The following GALNT17 variants were observed in gnomAD, a reference collection of about 807,000 sequenced individuals.
The protein encoded by GALNT17 is UDP-GalNAc:polypeptide N-acetylgalactosaminyltransferase-like 3.
In GALNT17, 29 loss-of-function variants were observed where a neutral mutation model predicts 63.7. The ratio of observed to expected loss-of-function variants is 0.46; its 90% confidence interval spans 0.34 to 0.62. The LOEUF is 0.62. Ranked by LOEUF, GALNT17 falls within the 20% of genes least tolerant of loss-of-function variation. GALNT17 has a pLI of 0.01. For missense variants in GALNT17, 603 were observed against 799.6 expected (o/e 0.75, Z 2.97); for synonymous variants, 305 against 318.3 (o/e 0.96, Z 0.45).
intron 9 of GALNT17, among the ~76,000 whole-genome samples, chr7:71,684,125 C>A (rs1218531705): frequency 2.0e-5 from 3 of 152,096 alleles, no homozygotes; most frequent in Admixed American, 1.3e-4. Flanking sequence ...ACCCCCAGTT[C>A]TACCAGGCTG....
chr7:71,608,376 GA>G (rs1790076878), intron 6 of GALNT17, among the ~76,000 whole-genome samples: 1 of 152,152 alleles, frequency 6.6e-6, no homozygotes, highest in Non-Finnish European at 1.5e-5. Context: ...AGGGGGAAGG[GA>G]CAGGACTTGG....
intron 6 of GALNT17, among the ~76,000 whole-genome samples, chr7:71,637,197 T>C (rs1485335034): frequency 1.3e-5 from 2 of 152,164 alleles, no homozygotes; most frequent in Non-Finnish European, 2.9e-5. Flanking sequence ...ATTTATTTAT[T>C]TATTTTTGAG....
chr7:71,133,157 G>T (rs1414542410), intron 1 of GALNT17, 117 bp downstream of exon 1: 1 of 894,976 alleles, frequency 1.1e-6, no homozygotes, highest in African/African-American at 1.8e-5. Context: ...CCTGGCTCCC[G>T]CGCGCTCCTT....
intron 5 of GALNT17, among the ~76,000 whole-genome samples, chr7:71,521,635 G>GT (rs1164332520): frequency 6.6e-6 from 1 of 152,166 alleles, no homozygotes; most frequent in African/African-American, 2.4e-5. Context: ...GCTCAGTTCT[G>GT]TTTTTTCTTC....
At position 71,477,363 on chromosome 7, in the gene GALNT17, G is replaced by A. The variant is rs148825395; in HGVS notation, c.962+56258G>A. 3.9e-5 allele frequency among the ~76,000 whole-genome samples: 6 copies of A among 152,304 alleles called. 1 individual carries two copies. Among genetic ancestry groups the A allele is most frequent in the African/African-American group, 9.6e-5 (4 of 41,570 alleles). ...TGCCACGGAGGTTGGTGTTTTCACCGTTAGCTGTGAGAGTGCAAAGGCATA... is the reference window on the plus strand; with the variant it reads ...TGCCACGGAGGTTGGTGTTTTCACCATTAGCTGTGAGAGTGCAAAGGCATA... On this transcript the variant is annotated intron_variant, in intron 5 of 10. Transcript: ENST00000333538.
chr7:71,595,652 G>A (rs1254441663), intron 6 of GALNT17, among the ~76,000 whole-genome samples: 1 of 130,232 alleles, frequency 7.7e-6, no homozygotes, highest in Non-Finnish European at 1.6e-5. Flanking sequence ...CATAGAGAGA[G>A]AGACTGAGAC....
At chr7:71,610,984 AT>A (rs1790116541) in intron 6 of GALNT17, among the ~76,000 whole-genome samples, 1 of 37,240 alleles carries the variant, frequency 2.7e-5, no homozygotes, top group Non-Finnish European at 7.2e-5. Context: ...GCGAGACTCC[AT>A]TTCAAAAAAA....
chr7:71,340,532 C>G (rs941170447), intron 2 of GALNT17, among the ~76,000 whole-genome samples: 1 of 152,150 alleles, frequency 6.6e-6, no homozygotes, highest in Non-Finnish European at 1.5e-5. Context: ...AGGCTTCATC[C>G]TTTTGCATAA....
intron 5 of GALNT17, among the ~76,000 whole-genome samples, chr7:71,508,471 A>G (rs11773330): frequency 0.2 from 29,784 of 152,106 alleles, 3,006 homozygotes; most frequent in Middle Eastern, 0.33. Flanking sequence ...CGTTGGCTAA[A>G]CAGTGAGAGC....
chr7:71,561,984 C>T (rs10239083), intron 5 of GALNT17, among the ~76,000 whole-genome samples: 1 of 151,008 alleles, frequency 6.6e-6, no homozygotes. Context: ...GAGATGGGGT[C>T]TCGCTCTGTC....
At chr7:71,442,635 G>C (rs973136540) in intron 5 of GALNT17, among the ~76,000 whole-genome samples, 22 of 152,326 alleles carry the variant, frequency 1.4e-4, no homozygotes, top group African/African-American at 5.0e-4. Flanking sequence ...CAGGCACGCA[G>C]AGAGTCAGGG....
chr7:71,251,768 A>G (rs1007571719), intron 1 of GALNT17, among the ~76,000 whole-genome samples: 2 of 152,180 alleles, frequency 1.3e-5, no homozygotes, highest in African/African-American at 4.8e-5. Flanking sequence ...AATCTCAGAT[A>G]GTGGCTCCAG....
intron 6 of GALNT17, among the ~76,000 whole-genome samples, chr7:71,636,994 G>A (rs901992161): frequency 3.9e-5 from 6 of 152,050 alleles, no homozygotes; most frequent in African/African-American, 1.2e-4. Context: ...GGATGGAGTC[G>A]GATGACTTAG....
In GALNT17 at chr7:71,594,382, C is replaced by T. The variant is rs561054574; in HGVS notation, c.1080+22980C>T. On this transcript the variant is annotated intron_variant, in intron 6 of 10. Coordinates refer to ENST00000333538, the MANE Select transcript of GALNT17 (RefSeq NM_022479.3). ...TCGGCTCACTGCAACCTCCGCCTCC[C>T]GGGTTCAAGTGATTCTCCTGCCTCA... 2.5e-4 allele frequency among the ~76,000 whole-genome samples: 38 copies of T among 152,160 alleles called. No individual in the cohort carries two copies. In the South Asian group the frequency reaches 4.4e-3, roughly 18 times the overall value.
chr7:71,262,416 T>C (rs1239215552), intron 1 of GALNT17, among the ~76,000 whole-genome samples: 2 of 151,966 alleles, frequency 1.3e-5, no homozygotes, highest in African/African-American at 4.8e-5. Context: ...GTGCCCAACC[T>C]GTTTCTTATG....
chr7:71,448,378 T>TGTGG (rs982931784), intron 5 of GALNT17, among the ~76,000 whole-genome samples: 1 of 152,030 alleles, frequency 6.6e-6, no homozygotes, highest in African/African-American at 2.4e-5. Context: ...TGTGTGTGTG[T>TGTGG]GGTCTCTATT....
chr7:71,540,594 C>T (rs1788872927), intron 5 of GALNT17, among the ~76,000 whole-genome samples: 2 of 152,032 alleles, frequency 1.3e-5, no homozygotes, highest in South Asian at 4.2e-4. Flanking sequence ...TACTGATGGA[C>T]ACTAGGGTTT....
At chr7:71,661,054 C>CA (rs1268225923) in intron 6 of GALNT17, among the ~76,000 whole-genome samples, 8 of 152,198 alleles carry the variant, frequency 5.3e-5, no homozygotes, top group African/African-American at 1.9e-4. Flanking sequence ...GCTTCCTCTG[C>CA]ATATATCTAT....
intron 1 of GALNT17, among the ~76,000 whole-genome samples, chr7:71,217,702 G>A (rs1288719098): frequency 6.6e-6 from 1 of 151,866 alleles, no homozygotes; most frequent in East Asian, 1.9e-4. Flanking sequence ...GAGGTGGGCC[G>A]ATCACAAGGT....
Sources: gnomAD v4.1 joint callset for allele counts (sites outside exome capture counted in the v4.1 genomes callset) on GRCh38, gnomAD v4.1.1 for gene constraint, MANE v1.5 for transcripts, NCBI Gene and HGNC (gene_info 2026-07-23, HGNC 2026-07-21) for gene names.